HECW2: variants seen among roughly 807,000 people sequenced by gnomAD.
HECW2 encodes the protein E3 ubiquitin-protein ligase HECW2.
HECW2 carries 61 observed loss-of-function variants against 175.2 expected under a neutral mutation model. The observed-to-expected ratio is 0.35, with a 90% CI of 0.28 to 0.43. The LOEUF is 0.43. HECW2 is among the 20% of genes least tolerant of loss of function. HECW2 has a pLI of 1.00. For missense variants in HECW2, 1,524 were observed against 2,000.5 expected, an observed-to-expected ratio of 0.76 and a Z score of 4.54; for synonymous variants, 671 against 731.0, an observed-to-expected ratio of 0.92 and a Z score of 1.32.
At chr2:196,351,885 A>C (rs1484297973) in intron 2 of HECW2, among the ~76,000 whole-genome samples, 2 of 152,068 alleles carry the variant, frequency 1.3e-5, no homozygotes, top group African/African-American at 4.8e-5. Context: ...GGCAAAGAAC[A>C]CCCCTTCAGA....
chr2:196,551,731 G>A lies in HECW2; in HGVS notation c.-36+41777C>T, dbSNP rs547830525. Among the ~76,000 whole-genome samples, 17 of 152,228 alleles carry A rather than the reference G, an allele frequency of 1.1e-4. No homozygotes were observed. The South Asian group carries it at 2.7e-3, about 24-fold the overall frequency. On this transcript the variant is annotated intron_variant, in intron 1 of 28. Coordinates refer to ENST00000644978, the MANE Select transcript of HECW2 (RefSeq NM_001348768.2). ...CTATTAATTTCTTTTAAGCTTAGAT[G>A]TACAATAATTATTCCCTGATTTGAA...
intron 1 of HECW2, among the ~76,000 whole-genome samples, chr2:196,555,038 G>C (rs1689746248): frequency 6.6e-6 from 1 of 152,018 alleles, no homozygotes; most frequent in South Asian, 2.1e-4. Flanking sequence ...AAACCTTCAA[G>C]GTCGCCCAAA....
chr2:196,446,339 A>G (rs1023601336), intron 1 of HECW2, among the ~76,000 whole-genome samples: 56 of 152,210 alleles, frequency 3.7e-4, no homozygotes, highest in African/African-American at 1.3e-3. Flanking sequence ...CAACTGCTCC[A>G]ACACTACCTA....
At chr2:196,522,304 T>C (rs1165481024) in intron 1 of HECW2, among the ~76,000 whole-genome samples, 1 of 152,230 alleles carries the variant, frequency 6.6e-6, no homozygotes, top group African/African-American at 2.4e-5. Context: ...TCTGTTCATG[T>C]CCTTGCCCAC....
At chr2:196,396,585 A>G (rs892365889) in intron 2 of HECW2, among the ~76,000 whole-genome samples, 10 of 152,250 alleles carry the variant, frequency 6.6e-5, no homozygotes, top group Admixed American at 6.5e-4. Flanking sequence ...CAAGCTATCA[A>G]TGTATCTCTA....
At chr2:196,284,240 T>C (rs953515502) in intron 14 of HECW2, among the ~76,000 whole-genome samples, 1 of 152,246 alleles carries the variant, frequency 6.6e-6, no homozygotes, top group Admixed American at 6.5e-5. Context: ...ATGCTCTACA[T>C]ACTGCGTCCA....
At chr2:196,575,598 T>C (rs1398043769) in intron 1 of HECW2, among the ~76,000 whole-genome samples, 1 of 152,200 alleles carries the variant, frequency 6.6e-6, no homozygotes, top group Non-Finnish European at 1.5e-5. Flanking sequence ...TAATTACATT[T>C]AACATAGACA....
In HECW2 at chr2:196,222,356, G is replaced by T; in HGVS notation, c.4017-16C>A. 2 of 1,609,632 alleles carry T rather than the reference G, an allele frequency of 1.2e-6. No individual in the cohort carries two copies. The highest frequency in any genetic ancestry group is 1.1e-5 in the South Asian group (1 of 90,504). On this transcript the variant is annotated splice_polypyrimidine_tract_variant and intron_variant, in intron 23 of 28. Coordinates refer to ENST00000644978, the MANE Select transcript of HECW2 (RefSeq NM_001348768.2). Reference sequence around the variant, plus strand: ...GTCACATAGACTAAGATGACAAACAGACAGAAACAAATATGTAGGCATGGC... The same window carrying T: ...GTCACATAGACTAAGATGACAAACATACAGAAACAAATATGTAGGCATGGC...
chr2:196,367,933 C>G (rs1461983950), intron 2 of HECW2, among the ~76,000 whole-genome samples: 2 of 148,850 alleles, frequency 1.3e-5, no homozygotes, highest in Non-Finnish European at 3.0e-5. Flanking sequence ...TACATAGATA[C>G]ATATATATAT....
At chr2:196,556,913 G>A (rs1000203196) in intron 1 of HECW2, among the ~76,000 whole-genome samples, 1 of 152,168 alleles carries the variant, frequency 6.6e-6, no homozygotes, top group Non-Finnish European at 1.5e-5. Flanking sequence ...TCCTGATTAA[G>A]AGTTGATAGC....
chr2:196,449,289 T>C (rs1696277458), intron 1 of HECW2, among the ~76,000 whole-genome samples: 1 of 152,186 alleles, frequency 6.6e-6, no homozygotes, highest in African/African-American at 2.4e-5. Context: ...CTTCCCCACC[T>C]CTGTCTCATC....
intron 1 of HECW2, among the ~76,000 whole-genome samples, chr2:196,480,614 A>T (rs1686808890): frequency 6.6e-6 from 1 of 152,228 alleles, no homozygotes; most frequent in South Asian, 2.1e-4. Flanking sequence ...AGAGCACTGA[A>T]TAGGGAGGAT....
chr2:196,538,003 A>C (rs1291306605), intron 1 of HECW2, among the ~76,000 whole-genome samples: 1 of 152,148 alleles, frequency 6.6e-6, no homozygotes, highest in Non-Finnish European at 1.5e-5. Context: ...ACTCGCCCTG[A>C]ATTCTTTCTT....
chr2:196,275,881 T>C (rs2105977069), intron 15 of HECW2, among the ~76,000 whole-genome samples: 1 of 152,346 alleles, frequency 6.6e-6, no homozygotes, highest in South Asian at 2.1e-4. Flanking sequence ...ATATTTCTAC[T>C]GAATGGAATA....
intron 2 of HECW2, among the ~76,000 whole-genome samples, chr2:196,388,346 AT>A (rs944016940): frequency 6.6e-6 from 1 of 152,134 alleles, no homozygotes; most frequent in Non-Finnish European, 1.5e-5. Context: ...ATTTCTAGAG[AT>A]TTTTGTTTTT....
At chr2:196,216,302 C>T (rs939262867) in intron 27 of HECW2, among the ~76,000 whole-genome samples, 5 of 152,030 alleles carry the variant, frequency 3.3e-5, no homozygotes, top group African/African-American at 1.2e-4. Context: ...TCAATTAACC[C>T]GAGTCAACTT....
At chr2:196,203,982 G>C (rs1220453034) in intron 28 of HECW2, among the ~76,000 whole-genome samples, 1 of 152,080 alleles carries the variant, frequency 6.6e-6, no homozygotes, top group East Asian at 1.9e-4. Context: ...TTTTGTGATT[G>C]GCTTATTTCA....
chr2:196,428,198 A>AAT (rs1446315365), intron 2 of HECW2, among the ~76,000 whole-genome samples: 1 of 152,190 alleles, frequency 6.6e-6, no homozygotes, highest in Non-Finnish European at 1.5e-5. Context: ...TTATTTCTAT[A>AAT]GAGACCATCT....
intron 1 of HECW2, among the ~76,000 whole-genome samples, chr2:196,501,584 C>T (rs1442171868): frequency 1.3e-5 from 2 of 152,070 alleles, no homozygotes; most frequent in Admixed American, 6.6e-5. Flanking sequence ...ACTACCAATT[C>T]TCAAATTAGA....
Sources: allele counts gnomAD v4.1 joint callset (sites outside exome capture counted in the v4.1 genomes callset), GRCh38; gene constraint gnomAD v4.1.1; transcripts MANE v1.5; gene names NCBI Gene and HGNC (gene_info 2026-07-23, HGNC 2026-07-21).